The following SYT3 variants were observed in gnomAD, a reference collection of about 807,000 sequenced individuals.
The protein encoded by SYT3 is synaptotagmin 3, also known as synaptotagmin-3.
In SYT3, 25 loss-of-function variants were observed where a neutral mutation model predicts 50.6. That is an observed-to-expected ratio of 0.49 (90% CI 0.36 to 0.69). The LOEUF is 0.69. Ranked by LOEUF, SYT3 falls within the 30% of genes least tolerant of loss-of-function variation. SYT3 has a pLI of 0.00. For synonymous variants in SYT3, 323 were observed against 353.9 expected (o/e 0.91, Z 0.98); for missense variants, 589 against 793.6 (o/e 0.74, Z 3.10).
At chr19:50,648,055 C>A in the SYT3 span, among the ~76,000 whole-genome samples, 1 of 152,116 alleles carries the variant, frequency 6.6e-6, no homozygotes, top group Non-Finnish European at 1.5e-5. Flanking sequence ...GGGCTTCAGG[C>A]ATTGCTGGAT....
chr19:50,634,945 G>C (rs1206144762), intron 3 of SYT3, among the ~76,000 whole-genome samples: 1 of 151,774 alleles, frequency 6.6e-6, no homozygotes, highest in East Asian at 1.9e-4. Context: ...GGAGTGCAGT[G>C]ATGTGATCTC....
At chr19:50,649,343 G>A in the SYT3 span, 2 of 1,118,024 alleles carry the variant, frequency 1.8e-6, no homozygotes, top group Non-Finnish European at 2.6e-6. Context: ...CTTCAAAGAG[G>A]AGGTAGAGGA....
At position 50,625,669 on chromosome 19, in the gene SYT3, G is replaced by A; in HGVS notation, c.1403-105C>T. 7.0e-7 allele frequency: 1 copy of A among 1,420,370 alleles called. No individual in the cohort carries two copies. Among genetic ancestry groups the A allele is most frequent in the South Asian group, 1.5e-5 (1 of 68,086 alleles). The allele number at this position is 1,420,370 out of a possible 1,614,324, so 88.0% of individuals were successfully genotyped here. On this transcript the variant is annotated intron_variant, in intron 7 of 10. Coordinates refer to ENST00000600079, the MANE Select transcript of SYT3 (RefSeq NM_001160329.2). This position sits in a 1 kb window ranked among gnomAD's most constrained non-coding sequence, Gnocchi z 7.5. ...CCTCCCTCAGACCCAGAGGTCCGGG[G>A]CCCCAGGCCCCCAGTCCCTCCTTCC...
chr19:50,629,980 G>C lies in SYT3; in HGVS notation c.866C>G (p.Pro289Arg). 1 of 1,613,752 alleles carries C rather than the reference G, an allele frequency of 6.2e-7. No individual in the cohort carries two copies. Among genetic ancestry groups the C allele is most frequent in the South Asian group, 1.1e-5 (1 of 91,064 alleles). ...CCCTGTGCCTGCCTCTCCAGAGCCT[G>C]GGCCCCCACCGCTCCGCCGGCCACC... ...GPGGRRSGGG[P>R]GSGEAGTGAP... Residue 289 changes from proline to arginine, a missense_variant, in exon 5 of 11, where the codon CCA becomes CGA. Coordinates refer to ENST00000600079, the MANE Select transcript of SYT3 (RefSeq NM_001160329.2).
chr19:50,636,815 G>A (rs1984510000), intron 3 of SYT3, among the ~76,000 whole-genome samples: 1 of 152,302 alleles, frequency 6.6e-6, no homozygotes, highest in South Asian at 2.1e-4. Context: ...GTTCTTCGTA[G>A]GTGTTATATC....
the SYT3 span, chr19:50,657,974 C>T: frequency 6.6e-7 from 1 of 1,520,018 alleles, no homozygotes; most frequent in Non-Finnish European, 8.8e-7. Flanking sequence ...GAGGTTCTCT[C>T]TCCGACACCC....
chr19:50,649,631 C>T, the SYT3 span: 14 of 1,112,600 alleles, frequency 1.3e-5, no homozygotes, highest in Admixed American at 2.0e-5. Flanking sequence ...AAAGCCATCC[C>T]TAGCATTCCT....
chr19:50,657,964 G>A, the SYT3 span: 1,661 of 1,512,732 alleles, frequency 1.1e-3, 19 homozygotes, highest in African/African-American at 0.02. Flanking sequence ...GCCACGGGCT[G>A]AGGTTCTCTC....
chr19:50,625,273 G>A lies in SYT3; in HGVS notation c.1596C>T (p.Ile532=), dbSNP rs199907904. The A allele has an allele frequency of 1.2e-5, 19 of 1,544,516 alleles. No homozygotes were observed. In the East Asian group the frequency reaches 3.1e-4, roughly 26 times the overall value. ...DYDCIGHNEV[I]GVCRVGPDAA... ...CGTCGGGGCCCACACGGCACACGCC[G>A]ATCACCTCGTTGTGCCCGATGCTGG... is the stretch of plus-strand genomic sequence containing the variant. The change falls in exon 9 of 11, where the codon ATC becomes ATT. Residue 532 remains isoleucine, a synonymous_variant. Transcript: ENST00000600079. This position sits in a 1 kb window ranked among gnomAD's most constrained non-coding sequence, Gnocchi z 7.5.
chr19:50,646,493 T>C, the SYT3 span, among the ~76,000 whole-genome samples: 4 of 152,152 alleles, frequency 2.6e-5, no homozygotes, highest in Non-Finnish European at 5.9e-5. Context: ...CCCAGAAGCC[T>C]GGCCCTTGTG....
the SYT3 span, among the ~76,000 whole-genome samples, chr19:50,649,239 G>A: frequency 6.6e-6 from 1 of 151,996 alleles, no homozygotes; most frequent in Non-Finnish European, 1.5e-5. Flanking sequence ...TGGGAAAGAA[G>A]GGATTGGGGC....
At chr19:50,655,793 T>A in the SYT3 span, among the ~76,000 whole-genome samples, 343 of 152,302 alleles carry the variant, frequency 2.3e-3, no homozygotes, top group African/African-American at 7.7e-3. Context: ...CCTTGCAGGC[T>A]CCCACTGGCG....
chr19:50,654,598 C>T, the SYT3 span, among the ~76,000 whole-genome samples: 94 of 149,944 alleles, frequency 6.3e-4, no homozygotes, highest in African/African-American at 2.2e-3. Flanking sequence ...CACCAGGCTC[C>T]GTCCCTCCCT....
chr19:50,643,604 C>T (rs562158731), upstream of SYT3, among the ~76,000 whole-genome samples: 3 of 151,982 alleles, frequency 2.0e-5, no homozygotes, highest in Non-Finnish European at 1.5e-5. Flanking sequence ...TAAAGAACAC[C>T]GGACAGGGAG....
rs376082226 is a variant in SYT3, at chr19:50,637,233, G to C, written c.148+31C>G. 5.6e-6 allele frequency: 9 copies of C among 1,603,808 alleles called. No homozygotes were observed. Among genetic ancestry groups the C allele is most frequent in the Non-Finnish European group, 6.0e-6 (7 of 1,172,918 alleles). Reference sequence around the variant, plus strand: ...AGTCTCCTGGCCATAGTGCAAGCAGGGGGCTGGCCAAGACAGGCAGGGGTG... The same window carrying C: ...AGTCTCCTGGCCATAGTGCAAGCAGCGGGCTGGCCAAGACAGGCAGGGGTG... On this transcript the variant is annotated intron_variant, in intron 3 of 10. Coordinates refer to ENST00000600079, the MANE Select transcript of SYT3 (RefSeq NM_001160329.2). The surrounding 1 kb of genome is among the most constrained non-coding windows in gnomAD (Gnocchi z 4.9).
chr19:50,632,501 AC>A lies in SYT3; in HGVS notation c.458del (p.Gly153ValfsTer86), dbSNP rs1279385747. 2 of 1,611,762 alleles carry A rather than the reference AC, an allele frequency of 1.2e-6. No individual in the cohort carries two copies. Among genetic ancestry groups the A allele is most frequent in the Non-Finnish European group, 8.5e-7 (1 of 1,179,364 alleles). On this transcript the variant is annotated frameshift_variant, in exon 4 of 11. Transcript: ENST00000600079. LOFTEE classifies it high-confidence loss of function. The surrounding 1 kb of genome is among the most constrained non-coding windows in gnomAD (Gnocchi z 4.7). ...AGTAGGAGGGCTCAGGGGTGTCAGA[AC>A]CCCCCAGGCTGCCTGGCTCCAGCAG... ...AELLEPGSLG[G>X]SDTPEPSYLD... is the part of the protein sequence containing the mutation.
At chr19:50,623,962 CTTT>C (rs950343718) in intron 9 of SYT3, among the ~76,000 whole-genome samples, 2 of 139,198 alleles carry the variant, frequency 1.4e-5, no homozygotes, top group African/African-American at 2.6e-5. Context: ...CATATACTTG[CTTT>C]TTTTTTTTTT....
chr19:50,649,663 A>G, the SYT3 span: 4 of 888,638 alleles, frequency 4.5e-6, no homozygotes, highest in Non-Finnish European at 7.2e-6. Flanking sequence ...ATTCCTGGAG[A>G]GCGGCCCCCT....
intron 3 of SYT3, among the ~76,000 whole-genome samples, chr19:50,633,400 T>C (rs1376736158): frequency 6.6e-6 from 1 of 152,202 alleles, no homozygotes; most frequent in Admixed American, 6.5e-5. Flanking sequence ...CAGCAGTCTC[T>C]CTCCAGATTT....
Sources: allele counts gnomAD v4.1 joint callset (sites outside exome capture counted in the v4.1 genomes callset), GRCh38; gene constraint gnomAD v4.1.1; non-coding constraint Gnocchi (gnomAD v3.1); transcripts MANE v1.5; gene names NCBI Gene and HGNC (gene_info 2026-07-23, HGNC 2026-07-21).